FMC1: variants seen among roughly 807,000 people sequenced by gnomAD.
FMC1 encodes protein FMC1 homolog.
Under a neutral mutation model 10.5 loss-of-function variants are expected in FMC1, and 6 were observed. The observed-to-expected ratio is 0.57, with a 90% confidence interval of 0.31 to 1.12. The LOEUF (loss-of-function observed/expected upper bound fraction) is 1.12, where lower values mean the gene tolerates loss of function less well. Among genes scored for constraint, FMC1 ranks in the 50% most tolerant of loss-of-function variants. The pLI is 0.05. For synonymous variants in FMC1, 59 were observed against 62.1 expected, an observed-to-expected ratio of 0.95 and a Z score of 0.24; for missense variants, 146 against 151.7, an observed-to-expected ratio of 0.96 and a Z score of 0.20.
At chr7:139,343,925 CCA>C (rs371547113) in intron 1 of FMC1, among the ~76,000 whole-genome samples, 29 of 126,508 alleles carry the variant, frequency 2.3e-4, no homozygotes, top group Admixed American at 1.8e-3. Context: ...GACCCTGTCC[CCA>C]AAAAAAAAAA....
At chr7:139,340,755 C>CT, upstream of FMC1, 1 of 372,778 alleles carries the variant, frequency 2.7e-6, no homozygotes, top group Non-Finnish European at 4.7e-6. Flanking sequence ...ATTGTGGGTT[C>CT]GAGTCCCATC....
In FMC1 at chr7:139,345,660, C is replaced by G; in HGVS notation, c.298C>G (p.Leu100Val). The change falls in exon 2 of 2, where the codon CTC becomes GTC. Residue 100 changes from leucine to valine, a missense_variant. Physicochemically the swap from Leu to Val is conservative, Grantham distance 32. Transcript: ENST00000297534. ...GGAGGAGTCTGCTGGCTTGGTGGGTCTCAAGTTGCCCCATCAGCCTGGAGG... is the reference window on the plus strand; with the variant it reads ...GGAGGAGTCTGCTGGCTTGGTGGGTGTCAAGTTGCCCCATCAGCCTGGAGG... ...SVEESAGLVGLKLPHQPGGKG... is the reference protein window; with the variant it reads ...SVEESAGLVGVKLPHQPGGKG... The G allele has an allele frequency of 1.9e-6, 3 of 1,614,150 alleles. No individual in the cohort carries two copies. Among genetic ancestry groups the G allele is most frequent in the Non-Finnish European group, 1.7e-6 (2 of 1,180,038 alleles).
chr7:139,342,828 C>T (rs1183079155), intron 1 of FMC1, among the ~76,000 whole-genome samples: 1 of 152,144 alleles, frequency 6.6e-6, no homozygotes, highest in Non-Finnish European at 1.5e-5. Flanking sequence ...CATTATTACC[C>T]TTGAGAGAGA....
At chr7:139,343,757 A>G (rs538105660) in intron 1 of FMC1, among the ~76,000 whole-genome samples, 1 of 152,132 alleles carries the variant, frequency 6.6e-6, no homozygotes, top group East Asian at 1.9e-4. Flanking sequence ...CAACATGGTG[A>G]AACCCTGTTT....
intron 1 of FMC1, among the ~76,000 whole-genome samples, chr7:139,344,583 A>G (rs1799167928): frequency 6.6e-6 from 1 of 152,150 alleles, no homozygotes; most frequent in South Asian, 2.1e-4. Context: ...TGGAGGGCCA[A>G]TTGTAATAAG....
intron 1 of FMC1, chr7:139,344,801 C>G (rs1351453855): frequency 1.4e-5 from 2 of 145,580 alleles, no homozygotes; most frequent in African/African-American, 5.1e-5. Flanking sequence ...CTCCTGGGTT[C>G]ACGCCATTCT....
chr7:139,340,964 G>T (rs1391274872), upstream of FMC1, among the ~76,000 whole-genome samples: 1 of 152,002 alleles, frequency 6.6e-6, no homozygotes, highest in Admixed American at 6.6e-5. Context: ...ACGTCAATAC[G>T]TTGAATTTTG....
upstream of FMC1, chr7:139,340,731 C>T (rs1230020508): frequency 3.9e-5 from 15 of 383,970 alleles, no homozygotes; most frequent in Non-Finnish European, 5.5e-5. Flanking sequence ...AGGCATTGGC[C>T]TCCTAAGCCA....
intron 1 of FMC1, among the ~76,000 whole-genome samples, chr7:139,342,317 G>A (rs1290051656): frequency 6.6e-6 from 1 of 152,126 alleles, no homozygotes; most frequent in East Asian, 1.9e-4. Context: ...AGGTTTTCCG[G>A]AGGAAATTAA....
intron 1 of FMC1, among the ~76,000 whole-genome samples, 195 bp downstream of exon 1, chr7:139,341,717 G>GGT (rs1798982701): frequency 7.1e-6 from 1 of 140,606 alleles, no homozygotes; most frequent in African/African-American, 2.5e-5. Context: ...AAGGACCAGC[G>GGT]GGGGGGGGCG....
chr7:139,343,025 G>C (rs534380652), intron 1 of FMC1, among the ~76,000 whole-genome samples: 1 of 152,172 alleles, frequency 6.6e-6, no homozygotes, highest in Admixed American at 6.5e-5. Context: ...TCTCCACAGG[G>C]AAAATACAGT....
intron 1 of FMC1, among the ~76,000 whole-genome samples, chr7:139,343,840 C>T (rs1585055786): frequency 6.8e-6 from 1 of 146,038 alleles, no homozygotes; most frequent in Admixed American, 7.1e-5. Context: ...GGGGCTGAGG[C>T]AGGAGGATCA....
upstream of FMC1, chr7:139,340,591 G>T (rs1421190065): frequency 1.0e-5 from 4 of 397,396 alleles, no homozygotes; most frequent in Non-Finnish European, 1.8e-5. Context: ...CCCCTCACGT[G>T]GGCGCTAGGT....
upstream of FMC1, chr7:139,340,523 G>A (rs149131357): frequency 2.5e-5 from 10 of 398,538 alleles, no homozygotes; most frequent in Non-Finnish European, 4.0e-5. Flanking sequence ...CGAGGGTAAA[G>A]CCTTTGGCGC....
Position 139,341,466 on chromosome 7 carries a change from C to A in FMC1, c.82C>A (p.Pro28Thr). Residue 28 changes from proline (P) to threonine (T), a missense_variant, in exon 1 of 2, where the codon CCC becomes ACC. Pro to Thr is a conservative substitution (Grantham distance 38). Coordinates refer to ENST00000297534, the MANE Select transcript of FMC1 (RefSeq NM_197964.5). ...LRYLSAATGR[P>T]YRDTAAYRYL... Reference sequence around the variant, plus strand: ...CTACCTGAGCGCGGCCACCGGCCGACCCTATCGCGACACCGCGGCCTATCG... The same window carrying A: ...CTACCTGAGCGCGGCCACCGGCCGAACCTATCGCGACACCGCGGCCTATCG... 6.2e-7 allele frequency: 1 copy of A among 1,613,756 alleles called. No individual in the cohort carries two copies. The highest frequency in any genetic ancestry group is 1.1e-5 in the South Asian group (1 of 91,082).
upstream of FMC1, chr7:139,341,297 G>T (rs1798942022): frequency 6.6e-7 from 1 of 1,523,450 alleles, no homozygotes; most frequent in South Asian, 1.2e-5. Context: ...TAGTCTGTCC[G>T]ACCGTACCAT....
chr7:139,341,640 G>A (rs967559849), intron 1 of FMC1, 118 bp downstream of exon 1: 3 of 1,478,276 alleles, frequency 2.0e-6, no homozygotes, highest in Non-Finnish European at 2.7e-6. Flanking sequence ...CCCTCCCACG[G>A]AGCCCTGGTT....
At chr7:139,341,560 G>T in intron 1 of FMC1, 38 bp downstream of exon 1, 1 of 1,597,894 alleles carries the variant, frequency 6.3e-7, no homozygotes, top group Non-Finnish European at 8.6e-7. Context: ...ACGTGCTGGG[G>T]AGGGAGGAAG....
In FMC1 at chr7:139,341,511, C is replaced by G. The variant is rs754031356; in HGVS notation, c.127C>G (p.Arg43Gly). 24 of 1,612,734 alleles carry G rather than the reference C, an allele frequency of 1.5e-5. No homozygotes were observed. The highest frequency in any genetic ancestry group is 1.7e-5 in the Non-Finnish European group (20 of 1,179,252). ...CTATCGGTACCTTGTGAAGGCTTTC[C>G]GTGCACATCGGGTACGGGAGCCATG... ...AAYRYLVKAFRAHRVTSEKLC... is the reference protein window; with the variant it reads ...AAYRYLVKAFGAHRVTSEKLC... Residue 43 changes from arginine (R) to glycine (G), a missense_variant, in exon 1 of 2, where the codon CGT (arginine) becomes GGT (glycine). Physicochemically the swap from Arg to Gly is moderately radical, Grantham distance 125. Coordinates refer to ENST00000297534, the MANE Select transcript of FMC1 (RefSeq NM_197964.5).
Sources: gnomAD v4.1 joint callset for allele counts (sites outside exome capture counted in the v4.1 genomes callset) on GRCh38, gnomAD v4.1.1 for gene constraint, MANE v1.5 for transcripts, NCBI Gene and HGNC (gene_info 2026-07-23, HGNC 2026-07-21) for gene names.